Variants in EGFLAM observed in about 807,000 individuals in gnomAD.
EGFLAM encodes the protein EGF like, fibronectin type III and laminin G domains.
EGFLAM carries 79 observed loss-of-function variants against 113.1 expected under a neutral mutation model. That is an observed-to-expected ratio of 0.70 (90% CI 0.58 to 0.84). EGFLAM has a LOEUF of 0.84. EGFLAM is among the 40% of genes least tolerant of loss of function. EGFLAM has a pLI of 0.00. For synonymous variants in EGFLAM, 504 were observed against 487.6 expected (o/e 1.03, Z -0.44); for missense variants, 1,265 against 1,291.6 (o/e 0.98, Z 0.32).
intron 1 of EGFLAM, among the ~76,000 whole-genome samples, chr5:38,311,959 A>G (rs1216523733): frequency 6.6e-6 from 1 of 152,194 alleles, no homozygotes. Flanking sequence ...AATTTAATCC[A>G]GTGGTTTGGA....
At chr5:38,441,668 C>T (rs748184155) in intron 17 of EGFLAM, among the ~76,000 whole-genome samples, 45 of 151,870 alleles carry the variant, frequency 3.0e-4, no homozygotes, top group Middle Eastern at 3.4e-3. Context: ...TGGTGAAATA[C>T]ATTTGGATAA....
intron 1 of EGFLAM, among the ~76,000 whole-genome samples, chr5:38,337,103 A>G (rs1045294221): frequency 1.3e-5 from 2 of 152,222 alleles, no homozygotes; most frequent in Non-Finnish European, 2.9e-5. Context: ...TATCCTAGCT[A>G]TATAAGCAAA....
intron 5 of EGFLAM, among the ~76,000 whole-genome samples, chr5:38,369,270 A>G (rs936651270): frequency 3.3e-5 from 5 of 152,260 alleles, no homozygotes; most frequent in Admixed American, 6.5e-5. Context: ...TCGTTTGAAC[A>G]TATAACCCAT....
chr5:38,431,103 G>T (rs1025790167), intron 14 of EGFLAM, 74 bp from the exon 15 acceptor site: 2 of 1,270,978 alleles, frequency 1.6e-6, no homozygotes, highest in Non-Finnish European at 1.1e-6. Flanking sequence ...AAATAATGTT[G>T]TACCAGCTAT....
At chr5:38,301,333 T>A (rs960668083) in intron 1 of EGFLAM, among the ~76,000 whole-genome samples, 2 of 152,100 alleles carry the variant, frequency 1.3e-5, no homozygotes, top group African/African-American at 4.8e-5. Context: ...CAAATGCTGT[T>A]GAGAGGTCAA....
intron 8 of EGFLAM, among the ~76,000 whole-genome samples, chr5:38,407,486 TAAC>T (rs1741327922): frequency 6.6e-6 from 1 of 152,198 alleles, no homozygotes; most frequent in South Asian, 2.1e-4. Context: ...TTAAGAAGGA[TAAC>T]AACTGGGCCA....
chr5:38,280,511 C>T (rs1305028384), intron 1 of EGFLAM, among the ~76,000 whole-genome samples: 1 of 152,126 alleles, frequency 6.6e-6, no homozygotes, highest in African/African-American at 2.4e-5. Context: ...CCCCCGATTC[C>T]TCTCTCCTTT....
intron 3 of EGFLAM, among the ~76,000 whole-genome samples, chr5:38,340,900 G>C (rs1339339531): frequency 4.6e-5 from 7 of 151,954 alleles, no homozygotes; most frequent in African/African-American, 1.7e-4. Flanking sequence ...AGAATGAAAA[G>C]AGGAAATCAA....
intron 5 of EGFLAM, among the ~76,000 whole-genome samples, chr5:38,360,268 A>T (rs978982706): frequency 6.6e-6 from 1 of 152,178 alleles, no homozygotes; most frequent in Non-Finnish European, 1.5e-5. Flanking sequence ...GGTTAAAGGC[A>T]TTTCTCATTC....
Position 38,358,446 on chromosome 5 carries a change from C to CAAAAA in EGFLAM, c.545+6133_545+6137dup, listed in dbSNP as rs34444620. ...TGGGCGACAGAGCAAGACTCCGTCT[C>CAAAAA]AAAAAAAAAAAAAAAAAAAAAAGAT... On this transcript the variant is annotated intron_variant, in intron 5 of 21. Coordinates refer to ENST00000322350, the MANE Select transcript of EGFLAM (RefSeq NM_152403.4). 3.1e-3 allele frequency among the ~76,000 whole-genome samples: 232 copies of CAAAAA among 74,072 alleles called. 7 individuals carry two copies. The highest frequency in any genetic ancestry group is 0.012 in the African/African-American group (221 of 18,464). 48.6% of individuals were successfully genotyped at this position (74,072 alleles called of 152,430 possible). A position where few individuals can be genotyped will look rare whatever the true frequency, so the allele number is the denominator to read the frequency against.
intron 12 of EGFLAM, among the ~76,000 whole-genome samples, chr5:38,423,642 C>T (rs913161867): frequency 3.3e-5 from 5 of 152,194 alleles, no homozygotes; most frequent in African/African-American, 1.2e-4. Flanking sequence ...GCCAGCATCT[C>T]TGTGGAGGCT....
At chr5:38,393,650 C>T (rs562146306) in intron 6 of EGFLAM, among the ~76,000 whole-genome samples, 3 of 152,364 alleles carry the variant, frequency 2.0e-5, no homozygotes, top group South Asian at 4.1e-4. Context: ...CTCAGCCCAC[C>T]GCTGGCCAGT....
chr5:38,360,730 A>G (rs192100280), intron 5 of EGFLAM, among the ~76,000 whole-genome samples: 2 of 152,340 alleles, frequency 1.3e-5, no homozygotes, highest in East Asian at 1.9e-4. Flanking sequence ...TGCTCAATCA[A>G]TGCAAACTAT....
At chr5:38,316,456 A>T (rs1413103090) in intron 1 of EGFLAM, among the ~76,000 whole-genome samples, 1 of 152,122 alleles carries the variant, frequency 6.6e-6, no homozygotes, top group African/African-American at 2.4e-5. Flanking sequence ...TGTTTCTCAG[A>T]TTCCTCACTC....
chr5:38,270,260 T>C (rs534057634), intron 1 of EGFLAM, among the ~76,000 whole-genome samples: 5 of 152,358 alleles, frequency 3.3e-5, no homozygotes, highest in East Asian at 1.9e-4. Context: ...AGATGTCTTC[T>C]ATGGAAAACC....
chr5:38,352,482 A>T (rs1739655326), intron 5 of EGFLAM, 151 bp downstream of exon 5: 1 of 1,021,468 alleles, frequency 9.8e-7, no homozygotes, highest in South Asian at 1.6e-5. Flanking sequence ...CCCCGTCTCT[A>T]CTAAAAATAC....
chr5:38,261,831 GTGA>G (rs1342509872), intron 1 of EGFLAM, among the ~76,000 whole-genome samples: 1 of 152,168 alleles, frequency 6.6e-6, no homozygotes. Flanking sequence ...GCCTTATGGG[GTGA>G]TGATGAACCA....
chr5:38,365,574 A>T (rs577653858), intron 5 of EGFLAM, among the ~76,000 whole-genome samples: 1 of 152,292 alleles, frequency 6.6e-6, no homozygotes, highest in Non-Finnish European at 1.5e-5. Flanking sequence ...GTGTGTTTCA[A>T]ATTATGGGCC....
chr5:38,348,407 T>C (rs953488335), intron 3 of EGFLAM, among the ~76,000 whole-genome samples: 14 of 151,752 alleles, frequency 9.2e-5, no homozygotes, highest in South Asian at 6.3e-4. Flanking sequence ...GGATGGAGGG[T>C]ATTGGAAAGG....
Sources: gnomAD v4.1 joint callset for allele counts (sites outside exome capture counted in the v4.1 genomes callset) on GRCh38, gnomAD v4.1.1 for gene constraint, MANE v1.5 for transcripts, NCBI Gene and HGNC (gene_info 2026-07-23, HGNC 2026-07-21) for gene names.